Variants in YEATS2 observed in about 807,000 individuals in gnomAD.
YEATS2 encodes YEATS domain-containing protein 2.
YEATS2 carries 77 observed loss-of-function variants against 163.2 expected under a neutral mutation model. The ratio of observed to expected loss-of-function variants is 0.47; its 90% CI spans 0.39 to 0.57. The LOEUF (loss-of-function observed/expected upper bound fraction) is 0.57. YEATS2 is among the 20% of genes least tolerant of loss of function. YEATS2 has a pLI of 0.00. For missense variants in YEATS2, 1,549 were observed against 1,729.8 expected (o/e 0.90, Z 1.85); for synonymous variants, 631 against 645.1 (o/e 0.98, Z 0.33).
chr3:183,772,157 C>T (rs535504348), intron 15 of YEATS2, 148 bp from the exon 16 acceptor site: 50 of 954,002 alleles, frequency 5.2e-5, no homozygotes, highest in South Asian at 4.2e-4. Flanking sequence ...ATACAGTTGC[C>T]GTTCACACCT....
intron 21 of YEATS2, among the ~76,000 whole-genome samples, chr3:183,794,885 A>G (rs1484896863): frequency 6.6e-6 from 1 of 151,912 alleles, no homozygotes; most frequent in Non-Finnish European, 1.5e-5. Context: ...GACCCCATCT[A>G]GGGGCTGGGT....
In YEATS2 at chr3:183,751,191, C is replaced by T. The variant is rs563131427; in HGVS notation, c.970-882C>T. Among the ~76,000 whole-genome samples the T allele has an allele frequency of 1.5e-3, 226 of 152,326 alleles. 2 individuals carry two copies. The highest frequency in any genetic ancestry group is 6.4e-3 in the South Asian group (31 of 4,830). On this transcript the variant is annotated intron_variant, in intron 9 of 30. Transcript: ENST00000305135. ...TATCCAGTTTCCCTGGCACCATTTG[C>T]TGAAAATACTGTCTTTTCCCCCACT...
chr3:183,772,954 C>T (rs1424206609), intron 16 of YEATS2, among the ~76,000 whole-genome samples: 1 of 152,090 alleles, frequency 6.6e-6, no homozygotes, highest in Non-Finnish European at 1.5e-5. Flanking sequence ...TACTTTATAT[C>T]ATCTCTAGGT....
intron 1 of YEATS2, among the ~76,000 whole-genome samples, chr3:183,701,532 A>T (rs931676706): frequency 6.6e-6 from 1 of 152,110 alleles, no homozygotes; most frequent in Non-Finnish European, 1.5e-5. Context: ...GACTACAGGT[A>T]CACACCACCA....
At chr3:183,764,371 A>T (rs1721685874) in intron 15 of YEATS2, among the ~76,000 whole-genome samples, 2 of 148,354 alleles carry the variant, frequency 1.3e-5, no homozygotes, top group South Asian at 4.2e-4. Context: ...CTCTGTTTAA[A>T]AAAAAAAAAA....
intron 5 of YEATS2, among the ~76,000 whole-genome samples, chr3:183,723,487 A>G (rs1054661308): frequency 4.6e-5 from 7 of 152,354 alleles, no homozygotes; most frequent in Non-Finnish European, 8.8e-5. Flanking sequence ...CAGAAAAGTA[A>G]AAAAGAATAG....
chr3:183,740,174 T>C (rs1718794097), intron 8 of YEATS2, among the ~76,000 whole-genome samples: 1 of 149,484 alleles, frequency 6.7e-6, no homozygotes, highest in Admixed American at 6.7e-5. Context: ...ACAGGCAACC[T>C]ACAACATGGG....
chr3:183,772,975 C>T (rs1250048676), intron 16 of YEATS2, among the ~76,000 whole-genome samples: 1 of 152,060 alleles, frequency 6.6e-6, no homozygotes, highest in Admixed American at 6.5e-5. Flanking sequence ...TATCTTAATA[C>T]CTAATAACAA....
At chr3:183,777,989 A>G (rs1352218202) in intron 19 of YEATS2, among the ~76,000 whole-genome samples, 2 of 151,718 alleles carry the variant, frequency 1.3e-5, no homozygotes, top group East Asian at 1.9e-4. Context: ...GTGCGTGCCT[A>G]TAGTCCCAGC....
chr3:183,787,458 T>C lies in YEATS2; in HGVS notation c.2913+1157T>C, dbSNP rs550127312. ...TGTGGTTTTGATTTGCGATTCCCTG[T>C]TAATGATATTGAGCATCTTTTCACG... On this transcript the variant is annotated intron_variant, in intron 20 of 30. Transcript: ENST00000305135. 3.3e-5 allele frequency among the ~76,000 whole-genome samples: 5 copies of C among 152,296 alleles called. No individual in the cohort carries two copies. In the East Asian group the frequency reaches 9.6e-4, roughly 29 times the overall value.
At chr3:183,787,118 C>G (rs1314162096) in intron 20 of YEATS2, among the ~76,000 whole-genome samples, 3 of 152,092 alleles carry the variant, frequency 2.0e-5, no homozygotes, top group African/African-American at 7.2e-5. Flanking sequence ...CCATGTCCGG[C>G]TAATTTTTTG....
At chr3:183,767,983 T>C (rs540269057) in intron 15 of YEATS2, among the ~76,000 whole-genome samples, 9 of 152,344 alleles carry the variant, frequency 5.9e-5, no homozygotes, top group African/African-American at 2.2e-4. Context: ...TTATTTGCTT[T>C]CTTTGTTTAG....
chr3:183,717,955 T>G (rs1488855745), intron 3 of YEATS2, among the ~76,000 whole-genome samples: 1 of 151,926 alleles, frequency 6.6e-6, no homozygotes, highest in Non-Finnish European at 1.5e-5. Flanking sequence ...GAAGAAATAT[T>G]ACCTGGAATT....
chr3:183,791,054 G>C (rs1724583837), intron 21 of YEATS2, 74 bp downstream of exon 21: 2 of 1,556,020 alleles, frequency 1.3e-6, no homozygotes, highest in Non-Finnish European at 1.7e-6. Flanking sequence ...GTTTGTTTGA[G>C]ATAGCGTCTC....
intron 19 of YEATS2, among the ~76,000 whole-genome samples, chr3:183,778,010 G>T (rs1270065468): frequency 4.0e-5 from 6 of 151,244 alleles, no homozygotes; most frequent in Admixed American, 3.3e-4. Context: ...TACTCGGGAG[G>T]CTAAGGCAGG....
intron 7 of YEATS2, among the ~76,000 whole-genome samples, chr3:183,730,782 A>T (rs1286864565): frequency 1.3e-5 from 2 of 152,120 alleles, no homozygotes; most frequent in African/African-American, 4.8e-5. Context: ...ATCCATATAG[A>T]CAGTTCATCC....
Position 183,754,391 on chromosome 3 carries a change from T to C in YEATS2, c.1390+26T>C, listed in dbSNP as rs568817524. 173 of 1,581,502 alleles carry C rather than the reference T, an allele frequency of 1.1e-4. 4 individuals carry two copies. In the South Asian group the frequency reaches 1.9e-3, roughly 17 times the overall value. ...GTATGCAGATGTTTTGAAGACAGTGTATGTGGAGTTGACTGGATGTTAAAA... is the reference window on the plus strand; with the variant it reads ...GTATGCAGATGTTTTGAAGACAGTGCATGTGGAGTTGACTGGATGTTAAAA... On this transcript the variant is annotated intron_variant, in intron 11 of 30. Transcript: ENST00000305135.
In YEATS2 at chr3:183,758,553, A is replaced by T. The variant is rs531357170; in HGVS notation, c.1553-309A>T. Among the ~76,000 whole-genome samples, 4 of 152,318 alleles carry T rather than the reference A, an allele frequency of 2.6e-5. No homozygotes were observed. In the South Asian group the frequency reaches 8.3e-4, roughly 32 times the overall value. On this transcript the variant is annotated intron_variant, in intron 12 of 30. Coordinates refer to ENST00000305135, the MANE Select transcript of YEATS2 (RefSeq NM_018023.5). ...TTATAGTGTCTTTTATTGTATAAGG[A>T]GTAGAATATACGAGAATATGCTACT...
chr3:183,728,953 G>A (rs528330745), intron 7 of YEATS2, 102 bp downstream of exon 7: 65 of 1,291,932 alleles, frequency 5.0e-5, no homozygotes, highest in Admixed American at 2.1e-4. Context: ...AAATGCAGTA[G>A]TAATTGAGAA....
Sources: allele counts gnomAD v4.1 joint callset (sites outside exome capture counted in the v4.1 genomes callset), GRCh38; gene constraint gnomAD v4.1.1; transcripts MANE v1.5; gene names NCBI Gene and HGNC (gene_info 2026-07-23, HGNC 2026-07-21).